The following ADAMTS17 variants were observed in gnomAD, a reference collection of about 807,000 sequenced individuals.
The protein encoded by ADAMTS17 is ADAM metallopeptidase with thrombospondin type 1 motif 17, also known as A disintegrin and metalloproteinase with thrombospondin motifs 17.
Under a neutral mutation model 141.5 loss-of-function variants are expected in ADAMTS17, and 113 were observed. The ratio of observed to expected loss-of-function variants is 0.80; its 90% CI spans 0.69 to 0.93. The LOEUF (loss-of-function observed/expected upper bound fraction) is 0.93, where lower values mean the gene tolerates loss of function less well. ADAMTS17 is among the 40% of genes least tolerant of loss of function. The pLI, the probability that ADAMTS17 is intolerant of heterozygous loss-of-function variation, is 0.00. For synonymous variants in ADAMTS17, 768 were observed against 630.6 expected, an observed-to-expected ratio of 1.22 and a Z score of -3.27; for missense variants, 1,659 against 1,517.9, an observed-to-expected ratio of 1.09 and a Z score of -1.54.
intron 8 of ADAMTS17, among the ~76,000 whole-genome samples, chr15:100,169,586 T>C (rs2040081794): frequency 6.6e-6 from 1 of 152,194 alleles, no homozygotes; most frequent in Admixed American, 6.5e-5. Flanking sequence ...GGGCAGCCCA[T>C]GCATTGAACC....
intron 7 of ADAMTS17, among the ~76,000 whole-genome samples, chr15:100,215,681 G>A (rs1376674119): frequency 6.6e-6 from 1 of 152,048 alleles, no homozygotes; most frequent in Non-Finnish European, 1.5e-5. Flanking sequence ...TCCCTCCCCA[G>A]GTGTAAGGAT....
chr15:100,303,203 T>C (rs1423272668), intron 3 of ADAMTS17, among the ~76,000 whole-genome samples: 1 of 147,092 alleles, frequency 6.8e-6, no homozygotes, highest in African/African-American at 2.5e-5. Flanking sequence ...TTATAAAATA[T>C]ATAATATATA....
chr15:100,050,378 G>A (rs2032045897), intron 17 of ADAMTS17, among the ~76,000 whole-genome samples: 1 of 152,186 alleles, frequency 6.6e-6, no homozygotes, highest in Non-Finnish European at 1.5e-5. Flanking sequence ...GGATTTGGAG[G>A]TTGAAAGGCC....
At chr15:100,054,176 G>T in intron 15 of ADAMTS17, 122 bp from the exon 16 acceptor site, 1 of 1,158,232 alleles carries the variant, frequency 8.6e-7, no homozygotes. Context: ...GGGGGAAGGA[G>T]GGAGGCCTGA....
At chr15:99,975,899 C>T (rs539251562) in intron 21 of ADAMTS17, 146 bp downstream of exon 21, 1 of 953,042 alleles carries the variant, frequency 1.0e-6, no homozygotes, top group East Asian at 2.6e-5. Flanking sequence ...GAAACCTCTT[C>T]TACAGAACTG....
chr15:100,235,043 C>T lies in ADAMTS17; in HGVS notation c.1075+19093G>A, dbSNP rs1233283930. 4.6e-5 allele frequency among the ~76,000 whole-genome samples: 7 copies of T among 152,128 alleles called. No homozygotes were observed. In the East Asian group the frequency reaches 1.3e-3, roughly 29 times the overall value. ...GTTCACGGAATAAAACCCCAGAATG[C>T]CACTGGAAGAGGGAAAATAGTGCTG... is the stretch of plus-strand genomic sequence containing the variant. On this transcript the variant is annotated intron_variant, in intron 7 of 21. Coordinates refer to ENST00000268070, the MANE Select transcript of ADAMTS17 (RefSeq NM_139057.4).
At chr15:100,136,752 CTG>C in intron 10 of ADAMTS17, among the ~76,000 whole-genome samples, 1 of 152,192 alleles carries the variant, frequency 6.6e-6, no homozygotes, top group Non-Finnish European at 1.5e-5. Context: ...AGACCCTCAA[CTG>C]AAATGATGGA....
intron 7 of ADAMTS17, among the ~76,000 whole-genome samples, chr15:100,228,856 G>T (rs2042389598): frequency 6.6e-6 from 1 of 152,218 alleles, no homozygotes; most frequent in Non-Finnish European, 1.5e-5. Context: ...CCTGTGGGAG[G>T]ATGGGGCCCT....
intron 4 of ADAMTS17, among the ~76,000 whole-genome samples, chr15:100,274,580 C>T (rs567421671): frequency 1.3e-3 from 192 of 152,174 alleles, no homozygotes; most frequent in African/African-American, 4.3e-3. Flanking sequence ...TCTTATAGAC[C>T]GCATATAGTT....
At chr15:100,054,854 G>A (rs1382107512) in intron 15 of ADAMTS17, among the ~76,000 whole-genome samples, 1 of 152,128 alleles carries the variant, frequency 6.6e-6, no homozygotes, top group Middle Eastern at 3.2e-3. Context: ...GCAGAAACTT[G>A]GTTTTCCACA....
rs73474419 is a variant in ADAMTS17, at chr15:100,055,161, A to C, written c.2138-1107T>G. On this transcript the variant is annotated intron_variant, in intron 15 of 21. Transcript: ENST00000268070. ...CCCTGTACACACAACTGGAGCCCCA[A>C]GGACACCCCAAACTGATCTACATAT... 5.2e-3 allele frequency among the ~76,000 whole-genome samples: 789 copies of C among 152,298 alleles called. 10 individuals carry two copies. The highest frequency in any genetic ancestry group is 0.018 in the African/African-American group (736 of 41,572).
In ADAMTS17 at chr15:99,993,409, G is replaced by A. The variant is rs28413108; in HGVS notation, c.2797-209C>T. The stretch of plus-strand genomic sequence containing the variant: ...CAGCCGAGTGGCCAGTGTTGTGGAA[G>A]GGACCTAGGAATCAGGAGTGGGAAG... On this transcript the variant is annotated intron_variant, in intron 19 of 21. Transcript: ENST00000268070. This position sits in a 1 kb window ranked among gnomAD's most constrained non-coding sequence, Gnocchi z 4.3. Among the ~76,000 whole-genome samples the A allele has an allele frequency of 0.027, 4,159 of 152,272 alleles. 178 individuals carry two copies. The highest frequency in any genetic ancestry group is 0.094 in the African/African-American group (3,923 of 41,532).
intron 8 of ADAMTS17, among the ~76,000 whole-genome samples, chr15:100,175,689 C>T (rs570291961): frequency 1.3e-5 from 2 of 152,118 alleles, no homozygotes; most frequent in Non-Finnish European, 2.9e-5. Flanking sequence ...ACCACCAGCT[C>T]GTTCTCAGCC....
chr15:100,231,840 C>T (rs546797591), intron 7 of ADAMTS17, among the ~76,000 whole-genome samples: 8 of 152,260 alleles, frequency 5.3e-5, no homozygotes, highest in Non-Finnish European at 8.8e-5. Context: ...GTCATCTTAC[C>T]GTCATCCTCA....
intron 3 of ADAMTS17, among the ~76,000 whole-genome samples, chr15:100,321,726 TAAAAC>T (rs1056927936): frequency 5.3e-5 from 8 of 152,044 alleles, no homozygotes; most frequent in Non-Finnish European, 1.2e-4. Flanking sequence ...AATTAAAAGG[TAAAAC>T]TGGCCAAGCC....
intron 15 of ADAMTS17, among the ~76,000 whole-genome samples, chr15:100,063,926 C>T (rs1000591900): frequency 9.9e-5 from 15 of 152,124 alleles, no homozygotes; most frequent in African/African-American, 3.1e-4. Context: ...CTCCCAGTGG[C>T]CCCATTTCCA....
chr15:100,117,813 G>A (rs943397836), intron 12 of ADAMTS17, among the ~76,000 whole-genome samples: 1 of 152,306 alleles, frequency 6.6e-6, no homozygotes, highest in Admixed American at 6.5e-5. Context: ...GATGGAATAA[G>A]ATTTCTTATC....
At chr15:100,047,351 C>G (rs376670208) in intron 18 of ADAMTS17, among the ~76,000 whole-genome samples, 1 of 133,812 alleles carries the variant, frequency 7.5e-6, no homozygotes, top group African/African-American at 3.1e-5. Flanking sequence ...TTGTGAAGTA[C>G]GTGATCTCTG....
At chr15:100,080,296 T>C (rs1207550130) in intron 15 of ADAMTS17, among the ~76,000 whole-genome samples, 2 of 152,158 alleles carry the variant, frequency 1.3e-5, no homozygotes, top group African/African-American at 4.8e-5. Flanking sequence ...CTCCCACCTT[T>C]AAGTCAACAG....
Sources: allele counts gnomAD v4.1 joint callset (sites outside exome capture counted in the v4.1 genomes callset), GRCh38; gene constraint gnomAD v4.1.1; non-coding constraint Gnocchi (gnomAD v3.1); transcripts MANE v1.5; gene names NCBI Gene and HGNC (gene_info 2026-07-23, HGNC 2026-07-21).